The following SOD2 variants were observed in gnomAD, a reference collection of about 807,000 sequenced individuals.
SOD2 encodes the protein superoxide dismutase 2.
SOD2 carries 11 observed loss-of-function variants against 27.0 expected under a neutral mutation model. That is an observed-to-expected ratio of 0.41 (90% CI 0.26 to 0.67). The LOEUF (loss-of-function observed/expected upper bound fraction) is 0.67, where lower values mean the gene tolerates loss of function less well. SOD2 is among the 30% of genes least tolerant of loss of function. SOD2 has a pLI of 0.34. For missense variants in SOD2, 250 were observed against 274.5 expected (o/e 0.91, Z 0.63); for synonymous variants, 105 against 103.0 (o/e 1.02, Z -0.12).
At chr6:159,713,792 G>T in intron 1 of SOD2, 1 of 986,648 alleles carries the variant, frequency 1.0e-6, no homozygotes, top group Non-Finnish European at 1.6e-6. Flanking sequence ...AGCCAATTTC[G>T]CTTCATCTGC....
rs749764999 is a variant in SOD2 at position 159,682,763 on chromosome 6, G to GT, written c.524-126dup. The GT allele has an allele frequency of 3.1e-4, 257 of 835,902 alleles. 1 individual carries two copies. The highest frequency in any genetic ancestry group is 2.7e-4 in the Non-Finnish European group (160 of 586,502). The allele number at this position is 835,902 out of a possible 1,614,324, so 51.8% of individuals were successfully genotyped here. A position where few individuals can be genotyped will look rare whatever the true frequency, so the allele number is the denominator to read the frequency against. On this transcript the variant is annotated intron_variant, in intron 4 of 4. Coordinates refer to ENST00000538183, the MANE Select transcript of SOD2 (RefSeq NM_000636.4). ...CCCTTTGTAACAATCTCATTCACTT[G>GT]TTTTTTTATATAAGTAGGAAATCTA...
chr6:159,693,087 C>T (rs1221713788), intron 1 of SOD2, 58 bp downstream of exon 1: 12 of 1,513,166 alleles, frequency 7.9e-6, no homozygotes, highest in Non-Finnish European at 1.1e-5. Flanking sequence ...CGCGGAGGCC[C>T]TGCCCGCCGC....
chr6:159,713,695 C>A (rs1777872881), intron 1 of SOD2: 1 of 902,396 alleles, frequency 1.1e-6, no homozygotes, highest in East Asian at 2.4e-5. Context: ...CTATTCAGAC[C>A]TGTGTGCTTC....
At chr6:159,730,634 A>G (rs1402784969), upstream of SOD2, among the ~76,000 whole-genome samples, 1 of 152,210 alleles carries the variant, frequency 6.6e-6, no homozygotes, top group Non-Finnish European at 1.5e-5. Context: ...ATCGACTTTC[A>G]AGGAAAGATT....
chr6:159,704,442 C>G (rs916747545), intron 1 of SOD2, among the ~76,000 whole-genome samples: 1 of 152,202 alleles, frequency 6.6e-6, no homozygotes, highest in East Asian at 1.9e-4. Flanking sequence ...CTGCGCTTTT[C>G]CAATGGTCTT....
At chr6:159,735,841 C>G (rs1038714641) in intron 1 of SOD2, among the ~76,000 whole-genome samples, 38 of 152,236 alleles carry the variant, frequency 2.5e-4, no homozygotes, top group African/African-American at 8.9e-4. Flanking sequence ...ACTTTAACAA[C>G]ATAATGCTAT....
At chr6:159,750,114 T>C (rs1462912987), upstream of SOD2, among the ~76,000 whole-genome samples, 1 of 152,238 alleles carries the variant, frequency 6.6e-6, no homozygotes, top group Non-Finnish European at 1.5e-5. Flanking sequence ...CTTCTAAAAT[T>C]CTCACTATTT....
chr6:159,692,907 C>A, intron 1 of SOD2, 44 bp from the exon 2 acceptor site: 1 of 1,505,388 alleles, frequency 6.6e-7, no homozygotes, highest in Non-Finnish European at 8.9e-7. Flanking sequence ...CGCCGCGGGA[C>A]CGTCTACGCA....
At chr6:159,742,659 T>G (rs1583089047) in intron 1 of SOD2, among the ~76,000 whole-genome samples, 3 of 152,216 alleles carry the variant, frequency 2.0e-5, no homozygotes, top group African/African-American at 7.2e-5. Context: ...TACTATTTGT[T>G]GAGTATAAAA....
chr6:159,714,385 A>C (rs756505943), intron 1 of SOD2, among the ~76,000 whole-genome samples: 1 of 152,170 alleles, frequency 6.6e-6, no homozygotes, highest in Non-Finnish European at 1.5e-5. Flanking sequence ...AGGGAAGATA[A>C]GCCTAGCTTC....
At chr6:159,753,093 G>A (rs1779879453) in intron 1 of SOD2, among the ~76,000 whole-genome samples, 1 of 152,166 alleles carries the variant, frequency 6.6e-6, no homozygotes, top group African/African-American at 2.4e-5. Flanking sequence ...TTCTGATAAA[G>A]CGCTAGATTC....
intron 1 of SOD2, among the ~76,000 whole-genome samples, chr6:159,752,105 A>G (rs1779842123): frequency 6.6e-6 from 1 of 152,078 alleles, no homozygotes; most frequent in Non-Finnish European, 1.5e-5. Flanking sequence ...ACCATGCAAC[A>G]CTTCAAAGAT....
intron 1 of SOD2, among the ~76,000 whole-genome samples, chr6:159,710,073 T>C (rs1336298259): frequency 8.1e-6 from 1 of 123,746 alleles, no homozygotes; most frequent in East Asian, 2.4e-4. Context: ...ACAATTGAAC[T>C]TGGACACAGG....
chr6:159,751,759 A>C (rs763271975), intron 1 of SOD2, among the ~76,000 whole-genome samples: 2 of 152,214 alleles, frequency 1.3e-5, no homozygotes, highest in Admixed American at 1.3e-4. Flanking sequence ...TCCTTGAATT[A>C]CATTAGGTTA....
intron 1 of SOD2, among the ~76,000 whole-genome samples, chr6:159,700,354 T>A (rs1446708216): frequency 1.3e-5 from 2 of 152,186 alleles, no homozygotes; most frequent in African/African-American, 4.8e-5. Flanking sequence ...TTACATGGTT[T>A]AAGTTAAAAT....
chr6:159,748,880 T>C (rs1433766443), upstream of SOD2: 1 of 1,198,874 alleles, frequency 8.3e-7, no homozygotes, highest in Admixed American at 4.4e-5. The surrounding 1 kb of genome is among the most constrained non-coding windows in gnomAD (Gnocchi z 5.6). Context: ...GTTTTGCCAA[T>C]AAGACTGTGG....
rs182291039 is a variant in SOD2 at position 159,670,803 on chromosome 6, C to G, written c.*11690G>C. ...GAAGCAGGGCAAGGCATGGCCTCAC[C>G]CGGGAAGGCAAGGGGTCAGGGAATT... On this transcript the variant is annotated 3_prime_UTR_variant, in exon 5 of 5. Coordinates refer to ENST00000538183, the MANE Select transcript of SOD2 (RefSeq NM_000636.4). 4 of 152,564 alleles carry G rather than the reference C, an allele frequency of 2.6e-5. No individual in the cohort carries two copies. The highest frequency in any genetic ancestry group is 2.6e-4 in the Admixed American group (4 of 15,314). 9.5% of individuals were successfully genotyped at this position (152,564 alleles called of 1,614,324 possible).
chr6:159,744,489 C>T (rs922444512), intron 1 of SOD2, among the ~76,000 whole-genome samples: 232 of 151,482 alleles, frequency 1.5e-3, no homozygotes, highest in African/African-American at 5.5e-3. Flanking sequence ...AGATAGTATT[C>T]TGGTCATTGG....
At chr6:159,750,846 C>CT (rs35685019) in intron 1 of SOD2, among the ~76,000 whole-genome samples, 1 of 152,040 alleles carries the variant, frequency 6.6e-6, no homozygotes, top group Non-Finnish European at 1.5e-5. Flanking sequence ...CAGGCAATCC[C>CT]GTCTGGAATA....
Sources: gnomAD v4.1 joint callset for allele counts (sites outside exome capture counted in the v4.1 genomes callset) on GRCh38, gnomAD v4.1.1 for gene constraint, Gnocchi (gnomAD v3.1) non-coding constraint, MANE v1.5 for transcripts, NCBI Gene and HGNC (gene_info 2026-07-23, HGNC 2026-07-21) for gene names.